Variants in PSG6 observed in about 807,000 individuals in gnomAD.
PSG6 encodes the protein pregnancy-specific beta-1-glycoprotein 6.
PSG6 carries 51 observed loss-of-function variants against 43.3 expected under a neutral mutation model. The observed-to-expected ratio is 1.18, with a 90% CI of 0.94 to 1.49. The LOEUF (loss-of-function observed/expected upper bound fraction) is 1.49. Among genes scored for constraint, PSG6 ranks in the 40% most tolerant of loss-of-function variants. The probability of loss-of-function intolerance (pLI) is 0.00; values close to 1 mark genes in which losing one functional copy is unlikely to be tolerated. For missense variants in PSG6, 770 were observed against 522.2 expected (o/e 1.47, Z -4.62); for synonymous variants, 292 against 197.6 (o/e 1.48, Z -4.01).
In PSG6 at chr19:42,902,494, C is replaced by T. The variant is rs187811680; in HGVS notation, c.1241-48G>A. ...CAGCGCATTTCAAATTCACTACCTC[C>T]TTTACAGAGAAAGCTTCTTTCCCAC... On this transcript the variant is annotated intron_variant, in intron 5 of 5. Transcript: ENST00000187910. 14 of 1,600,570 alleles carry T rather than the reference C, an allele frequency of 8.7e-6. 1 individual carries two copies. The East Asian group carries it at 2.0e-4, about 23-fold the overall frequency.
intron 3 of PSG6, 102 bp from the exon 4 acceptor site, chr19:42,907,956 C>T (rs748456199): frequency 2.7e-6 from 4 of 1,493,154 alleles, no homozygotes; most frequent in East Asian, 4.5e-5. Flanking sequence ...CCACATGAGT[C>T]CTTGAAAGCC....
intron 5 of PSG6, among the ~76,000 whole-genome samples, chr19:42,905,416 T>A (rs1329961218): frequency 2.0e-5 from 3 of 151,666 alleles, no homozygotes; most frequent in Non-Finnish European, 4.4e-5. Flanking sequence ...ACAGCAACAC[T>A]AAACAACAGG....
chr19:42,902,290 T>C lies in PSG6; in HGVS notation c.*122A>G. ...AATCAGCACATTTTCCAATAAAAAATTATGAAAACATTATCCTTTTGATTA... is the reference window on the plus strand; with the variant it reads ...AATCAGCACATTTTCCAATAAAAAACTATGAAAACATTATCCTTTTGATTA... On this transcript the variant is annotated 3_prime_UTR_variant, in exon 6 of 6. Transcript: ENST00000187910. 1.6e-6 allele frequency: 2 copies of C among 1,235,402 alleles called. No homozygotes were observed. The highest frequency in any genetic ancestry group is 2.2e-6 in the Non-Finnish European group (2 of 900,176). The allele number at this position is 1,235,402 out of a possible 1,614,324, so 76.5% of individuals were successfully genotyped here.
Position 42,907,754 on chromosome 19 carries a change from G to C in PSG6, c.807C>G (p.Thr269=), listed in dbSNP as rs531317587. ...FTCEPKSRNY[T]YIWWLNGQSL... is the part of the protein sequence containing the mutation. ...TCTGACCATTTAGCCACCAAATGTA[G>C]GTGTAGTTCCGACTCTTAGGTTCAC... Residue 269 remains threonine, a synonymous_variant, in exon 4 of 6, where the codon ACC becomes ACG. Transcript: ENST00000187910. 10 of 1,610,828 alleles carry C rather than the reference G, an allele frequency of 6.2e-6. No individual in the cohort carries two copies. The highest frequency in any genetic ancestry group is 1.3e-5 in the African/African-American group (1 of 74,788).
At chr19:42,913,408 G>T (rs1200118730) in intron 2 of PSG6, among the ~76,000 whole-genome samples, 1 of 151,822 alleles carries the variant, frequency 6.6e-6, no homozygotes, top group Non-Finnish European at 1.5e-5. Context: ...GCCTCCCAAA[G>T]TGCTGGGATT....
intron 5 of PSG6, among the ~76,000 whole-genome samples, chr19:42,904,715 C>T (rs898155660): frequency 2.6e-5 from 4 of 151,518 alleles, no homozygotes; most frequent in Non-Finnish European, 4.4e-5. Flanking sequence ...ACAGTGCTGC[C>T]CAAAGTGAGC....
chr19:42,914,532 G>T (rs914445857), intron 2 of PSG6, among the ~76,000 whole-genome samples: 3 of 147,488 alleles, frequency 2.0e-5, no homozygotes, highest in African/African-American at 7.6e-5. Flanking sequence ...CACAGTCCAG[G>T]ACCAAAGAGC....
chr19:42,903,569 G>A (rs1972066998), intron 5 of PSG6: 2 of 1,403,700 alleles, frequency 1.4e-6, no homozygotes, highest in Non-Finnish European at 1.9e-6. Context: ...AAGAAAAAAA[G>A]AGAAAAGATA....
At chr19:42,917,613 T>G in intron 1 of PSG6, 116 bp downstream of exon 1, 29 of 1,469,364 alleles carry the variant, frequency 2.0e-5, no homozygotes, top group Non-Finnish European at 2.5e-5. Context: ...TCCACCCACC[T>G]CAGCCTCCCT....
intron 1 of PSG6, among the ~76,000 whole-genome samples, chr19:42,916,780 C>CA (rs200222416): frequency 0.01 from 1,573 of 151,406 alleles, 48 homozygotes; most frequent in African/African-American, 0.035. Flanking sequence ...CGGCCCCCTC[C>CA]ACACTGCCCT....
At chr19:42,911,244 C>T (rs1568445420) in intron 2 of PSG6, among the ~76,000 whole-genome samples, 1 of 151,438 alleles carries the variant, frequency 6.6e-6, no homozygotes, top group East Asian at 1.9e-4. Flanking sequence ...CTCACTTTGC[C>T]CCCTGAGGTA....
At chr19:42,907,899 C>T (rs776942861) in intron 3 of PSG6, 45 bp from the exon 4 acceptor site, 6 of 1,598,954 alleles carry the variant, frequency 3.8e-6, no homozygotes, top group Middle Eastern at 1.8e-4. Context: ...CCTTTGATTC[C>T]TCCACAGGCA....
chr19:42,905,511 T>C (rs1349987340), intron 5 of PSG6, among the ~76,000 whole-genome samples: 1 of 151,654 alleles, frequency 6.6e-6, no homozygotes, highest in Non-Finnish European at 1.5e-5. Flanking sequence ...AAAAGTAGTG[T>C]GGCTGTTTTT....
At chr19:42,908,345 G>A (rs1285118095) in intron 3 of PSG6, among the ~76,000 whole-genome samples, 1 of 151,744 alleles carries the variant, frequency 6.6e-6, no homozygotes, top group Non-Finnish European at 1.5e-5. Context: ...GAGCAGCCTG[G>A]CCTGGGACTG....
intron 2 of PSG6, among the ~76,000 whole-genome samples, chr19:42,914,225 A>T (rs1972280487): frequency 6.6e-6 from 1 of 151,248 alleles, no homozygotes; most frequent in Admixed American, 6.6e-5. Context: ...GCTCGAGAGG[A>T]AGCCTGGCAG....
chr19:42,906,946 T>G lies in PSG6; in HGVS notation c.1216A>C (p.Lys406Gln). The G allele has an allele frequency of 6.2e-7, 1 of 1,612,358 alleles. No homozygotes were observed. The highest frequency in any genetic ancestry group is 1.1e-5 in the South Asian group (1 of 90,836). Reference protein sequence around the residue: ...RNSATGKEISKSMIVKVSGPC... With the variant: ...RNSATGKEISQSMIVKVSGPC... ...CCAGAGACTTTGACTATCATGGATT[T>G]GGAGATTTCCTTGCCAGTGGCTGAG... Residue 406 changes from lysine to glutamine, a missense_variant, in exon 5 of 6, where the codon AAA becomes CAA. Physicochemically the swap from Lys to Gln is moderately conservative, Grantham distance 53. Coordinates refer to ENST00000187910, the MANE Select transcript of PSG6 (RefSeq NM_001031850.4).
chr19:42,914,395 C>G (rs1384662192), intron 2 of PSG6, among the ~76,000 whole-genome samples: 1 of 150,554 alleles, frequency 6.6e-6, no homozygotes, highest in Admixed American at 6.6e-5. Flanking sequence ...ACAGGGCTTG[C>G]CAGTCAGAAT....
intron 2 of PSG6, 29 bp downstream of exon 2, chr19:42,916,096 A>C (rs200802998): frequency 1.2e-6 from 2 of 1,607,496 alleles, no homozygotes; most frequent in Non-Finnish European, 1.7e-6. Context: ...CTGCCCCCCA[A>C]CACCCAGGGA....
chr19:42,913,945 G>C (rs1299687612), intron 2 of PSG6, among the ~76,000 whole-genome samples: 2 of 151,724 alleles, frequency 1.3e-5, no homozygotes, highest in Non-Finnish European at 2.9e-5. Flanking sequence ...AGGCTGATTT[G>C]AGTAATAATA....
Sources: gnomAD v4.1 joint callset for allele counts (sites outside exome capture counted in the v4.1 genomes callset) on GRCh38, gnomAD v4.1.1 for gene constraint, MANE v1.5 for transcripts, NCBI Gene and HGNC (gene_info 2026-07-23, HGNC 2026-07-21) for gene names.